Variants in RPTOR observed in about 807,000 individuals in gnomAD.
RPTOR encodes the protein regulatory-associated protein of mTOR.
In RPTOR, 21 loss-of-function variants were observed where a neutral mutation model predicts 169.9. That is an observed-to-expected ratio of 0.12 (90% CI 0.09 to 0.18). The LOEUF is 0.18. RPTOR is among the 10% of genes least tolerant of loss of function. The pLI, the probability that RPTOR is intolerant of heterozygous loss-of-function variation, is 1.00. For missense variants in RPTOR, 1,133 were observed against 1,855.9 expected, an observed-to-expected ratio of 0.61 and a Z score of 7.16; for synonymous variants, 732 against 753.2, an observed-to-expected ratio of 0.97 and a Z score of 0.46.
chr17:80,921,500 C>T (rs1006764592), intron 21 of RPTOR, among the ~76,000 whole-genome samples: 3 of 152,226 alleles, frequency 2.0e-5, no homozygotes, highest in Admixed American at 6.5e-5. Flanking sequence ...GGCCGGGCAG[C>T]GCACGCCCTG....
chr17:80,662,632 T>G (rs1486912762), intron 3 of RPTOR, among the ~76,000 whole-genome samples: 1 of 152,118 alleles, frequency 6.6e-6, no homozygotes, highest in Non-Finnish European at 1.5e-5. Context: ...TTGTAATGTG[T>G]TGTTTTCTAC....
At chr17:80,601,412 G>T (rs926830910) in intron 1 of RPTOR, among the ~76,000 whole-genome samples, 1 of 152,244 alleles carries the variant, frequency 6.6e-6, no homozygotes, top group Non-Finnish European at 1.5e-5. Flanking sequence ...CCACATCTCA[G>T]GGGCACGCAG....
chr17:80,685,619 ATATATATATTTTTTTTTT>A (rs1203131762), intron 3 of RPTOR, among the ~76,000 whole-genome samples: 2 of 13,440 alleles, frequency 1.5e-4, no homozygotes, highest in Non-Finnish European at 2.9e-4. Context: ...ATATATATAT[ATATATATATTTTTTTTTT>A]TTTTTTTTTT....
rs1489415266 is a variant in RPTOR at position 80,892,882 on chromosome 17, AAAT to A, written c.2242+14_2242+16del. On this transcript the variant is annotated intron_variant, in intron 19 of 33. Transcript: ENST00000306801. The stretch of plus-strand genomic sequence containing the variant: ...TTGACAGAGGAATGTAAGATCCTGG[AAAT>A]CGGGTTATTGGATTGGGAGAGATTG... The A allele has an allele frequency of 6.2e-7, 1 of 1,612,444 alleles. No individual in the cohort carries two copies. The highest frequency in any genetic ancestry group is 1.1e-5 in the South Asian group (1 of 90,978).
intron 24 of RPTOR, among the ~76,000 whole-genome samples, chr17:80,938,311 A>G (rs1213133842): frequency 6.6e-6 from 1 of 152,174 alleles, no homozygotes; most frequent in African/African-American, 2.4e-5. Context: ...GCCCAGGACC[A>G]TAGAGTGCCG....
intron 6 of RPTOR, among the ~76,000 whole-genome samples, chr17:80,759,588 T>A (rs996139399): frequency 6.6e-6 from 1 of 152,080 alleles, no homozygotes; most frequent in Admixed American, 6.5e-5. Flanking sequence ...GCTAGGTGTC[T>A]ATGGCCTGTG....
chr17:80,773,902 C>T (rs1331326366), intron 6 of RPTOR: 1 of 985,378 alleles, frequency 1.0e-6, no homozygotes, highest in Admixed American at 6.1e-5. Context: ...TGATTCCCTC[C>T]AGACAGCTCC....
chr17:80,830,900 G>A (rs35629006), intron 9 of RPTOR, among the ~76,000 whole-genome samples: 22,904 of 151,864 alleles, frequency 0.15, 1,879 homozygotes, highest in Middle Eastern at 0.22. Flanking sequence ...ACAGGCACAC[G>A]CCCAGCTAAT....
chr17:80,709,227 C>A, intron 4 of RPTOR: 1 of 389,590 alleles, frequency 2.6e-6, no homozygotes, highest in Non-Finnish European at 3.5e-6. Flanking sequence ...AAATTCAAAA[C>A]GATCGTTGTG....
intron 17 of RPTOR, among the ~76,000 whole-genome samples, chr17:80,885,366 G>A (rs763005952): frequency 6.6e-6 from 1 of 152,206 alleles, no homozygotes; most frequent in Non-Finnish European, 1.5e-5. Context: ...AGCAGGCTGC[G>A]CCTCCCGGCA....
intron 9 of RPTOR, among the ~76,000 whole-genome samples, chr17:80,829,852 C>A (rs1382156174): frequency 2.0e-5 from 3 of 152,158 alleles, no homozygotes; most frequent in South Asian, 2.1e-4. Flanking sequence ...TTAAAGGGTT[C>A]TTTGTACAGA....
intron 10 of RPTOR, among the ~76,000 whole-genome samples, chr17:80,838,263 C>A (rs2067587166): frequency 1.3e-5 from 2 of 152,264 alleles, no homozygotes; most frequent in South Asian, 4.1e-4. Flanking sequence ...TGCGGACTCA[C>A]TCCCTGTGAG....
chr17:80,563,272 G>GC (rs2084525100), intron 1 of RPTOR, among the ~76,000 whole-genome samples: 2 of 151,896 alleles, frequency 1.3e-5, no homozygotes, highest in Admixed American at 1.3e-4. Flanking sequence ...AGGCTGGAGT[G>GC]CAGAGGTGTG....
rs1014500364 is a variant in RPTOR at position 80,844,762 on chromosome 17, C to A, written c.1213-1711C>A. Among the ~76,000 whole-genome samples the A allele has an allele frequency of 4.6e-5, 7 of 152,200 alleles. No individual in the cohort carries two copies. The highest frequency in any genetic ancestry group is 2.0e-4 in the Admixed American group (3 of 15,288). ...CCTGGACTTGGGCGCACGGAGGCACCCTGTCCTGCTCCTGGCGTTCGCCTG... is the reference window on the plus strand; with the variant it reads ...CCTGGACTTGGGCGCACGGAGGCACACTGTCCTGCTCCTGGCGTTCGCCTG... On this transcript the variant is annotated intron_variant, in intron 10 of 33. Coordinates refer to ENST00000306801, the MANE Select transcript of RPTOR (RefSeq NM_020761.3). The surrounding 1 kb of genome is among the most constrained non-coding windows in gnomAD (Gnocchi z 4.7).
intron 5 of RPTOR, among the ~76,000 whole-genome samples, chr17:80,736,830 T>A (rs749004896): frequency 6.6e-6 from 1 of 152,214 alleles, no homozygotes; most frequent in Non-Finnish European, 1.5e-5. Flanking sequence ...TGTGTGTGAG[T>A]TTGCAAATCT....
At chr17:80,829,947 G>A (rs1363622206) in intron 9 of RPTOR, among the ~76,000 whole-genome samples, 2 of 152,220 alleles carry the variant, frequency 1.3e-5, no homozygotes, top group Non-Finnish European at 2.9e-5. Flanking sequence ...AAGGATGCCA[G>A]CGTGAATCTA....
intron 1 of RPTOR, among the ~76,000 whole-genome samples, chr17:80,585,577 A>G (rs181338074): frequency 6.6e-5 from 10 of 152,306 alleles, no homozygotes; most frequent in Admixed American, 5.2e-4. Flanking sequence ...CCTGGGTCCT[A>G]CAGCCCCGGG....
At chr17:80,679,443 T>G (rs1181028042) in intron 3 of RPTOR, among the ~76,000 whole-genome samples, 1 of 152,206 alleles carries the variant, frequency 6.6e-6, no homozygotes, top group Non-Finnish European at 1.5e-5. Flanking sequence ...GGGTGGTGGT[T>G]AATCATGTTA....
At chr17:80,759,452 G>A (rs1355530428) in intron 6 of RPTOR, among the ~76,000 whole-genome samples, 1 of 152,122 alleles carries the variant, frequency 6.6e-6, no homozygotes, top group Non-Finnish European at 1.5e-5. Context: ...TGCCACAGTG[G>A]CAGACAGTGG....
Sources: allele counts gnomAD v4.1 joint callset (sites outside exome capture counted in the v4.1 genomes callset), GRCh38; gene constraint gnomAD v4.1.1; non-coding constraint Gnocchi (gnomAD v3.1); transcripts MANE v1.5; gene names NCBI Gene and HGNC (gene_info 2026-07-23, HGNC 2026-07-21).